The following ENTREP2 variants were observed in gnomAD, a reference collection of about 807,000 sequenced individuals.
ENTREP2 encodes protein ENTREP2.
the ENTREP2 span, among the ~76,000 whole-genome samples, chr15:29,391,453 AC>A: frequency 6.6e-6 from 1 of 152,160 alleles, no homozygotes; most frequent in African/African-American, 2.4e-5. Context: ...TAAATTGATG[AC>A]AAAGATCACC....
chr15:29,560,775 C>T, the ENTREP2 span, among the ~76,000 whole-genome samples: 1 of 151,950 alleles, frequency 6.6e-6, no homozygotes, highest in Non-Finnish European at 1.5e-5. Context: ...CTATGTTCAA[C>T]ATGTCCCACA....
the ENTREP2 span, among the ~76,000 whole-genome samples, chr15:29,472,237 T>TC: frequency 6.6e-6 from 1 of 152,012 alleles, no homozygotes; most frequent in African/African-American, 2.4e-5. Context: ...GCCAGGCCTG[T>TC]CATGCAATTC....
At chr15:29,576,825 T>G in the ENTREP2 span, among the ~76,000 whole-genome samples, 1 of 152,358 alleles carries the variant, frequency 6.6e-6, no homozygotes, top group South Asian at 2.1e-4. Flanking sequence ...TTTTTGTTTT[T>G]GAGACGGAGT....
At chr15:29,279,101 A>T in the ENTREP2 span, among the ~76,000 whole-genome samples, 1 of 152,214 alleles carries the variant, frequency 6.6e-6, no homozygotes, top group African/African-American at 2.4e-5. Context: ...TTTTAACTTA[A>T]TCCACTTAAA....
the ENTREP2 span, among the ~76,000 whole-genome samples, chr15:29,443,441 T>C: frequency 1.4e-4 from 22 of 152,082 alleles, no homozygotes; most frequent in African/African-American, 5.3e-4. Context: ...CATTAGGAAA[T>C]AGCCAAGGAG....
chr15:29,196,685 G>T, the ENTREP2 span: 1 of 1,106,030 alleles, frequency 9.0e-7, no homozygotes, highest in Non-Finnish European at 1.2e-6. Context: ...CTGTTTCAGT[G>T]TGTTTAAGTA....
the ENTREP2 span, among the ~76,000 whole-genome samples, chr15:29,483,121 T>G: frequency 6.6e-6 from 1 of 152,376 alleles, no homozygotes; most frequent in Non-Finnish European, 1.5e-5. Flanking sequence ...TATGCTTATT[T>G]GACAACTGTA....
chr15:29,339,197 C>T, the ENTREP2 span, among the ~76,000 whole-genome samples: 3 of 152,242 alleles, frequency 2.0e-5, no homozygotes, highest in South Asian at 4.1e-4. Context: ...CCCAGCGGCC[C>T]ACCCCTCCAT....
At chr15:29,332,164 G>A in the ENTREP2 span, among the ~76,000 whole-genome samples, 1 of 152,078 alleles carries the variant, frequency 6.6e-6, no homozygotes, top group Non-Finnish European at 1.5e-5. Context: ...ACAAGAGGTC[G>A]AAGAAAGTTG....
the ENTREP2 span, among the ~76,000 whole-genome samples, chr15:29,271,848 C>T: frequency 6.6e-6 from 1 of 152,096 alleles, no homozygotes; most frequent in Non-Finnish European, 1.5e-5. Context: ...ATTTTGTCTG[C>T]GGCTCGTCCT....
At chr15:29,402,556 C>T in the ENTREP2 span, among the ~76,000 whole-genome samples, 3 of 152,108 alleles carry the variant, frequency 2.0e-5, no homozygotes, top group Non-Finnish European at 4.4e-5. Context: ...GTGATCCCCT[C>T]GCTGTGGCCT....
chr15:29,124,674 A>C, the ENTREP2 span: 1 of 1,549,972 alleles, frequency 6.5e-7, no homozygotes, highest in Non-Finnish European at 8.7e-7. Flanking sequence ...GCTTTAGAAA[A>C]GAAGCGTCTC....
At chr15:29,239,221 C>T in the ENTREP2 span, among the ~76,000 whole-genome samples, 8 of 152,218 alleles carry the variant, frequency 5.3e-5, no homozygotes, top group South Asian at 1.7e-3. Flanking sequence ...GCTCATCATG[C>T]CTCCTTCCCT....
At chr15:29,631,367 T>C in the ENTREP2 span, among the ~76,000 whole-genome samples, 4 of 152,204 alleles carry the variant, frequency 2.6e-5, no homozygotes, top group Non-Finnish European at 5.9e-5. Flanking sequence ...GTTAGAAGAC[T>C]CAGGGTCTGT....
the ENTREP2 span, among the ~76,000 whole-genome samples, chr15:29,600,902 C>CTTTTTTTTTTTTT: frequency 8.1e-6 from 1 of 123,610 alleles, no homozygotes; most frequent in African/African-American, 3.6e-5. Context: ...ATTTTTCTTT[C>CTTTTTTTTTTTTT]TTTTTTTTTT....
chr15:29,207,425 A>G, the ENTREP2 span, among the ~76,000 whole-genome samples: 65,017 of 133,310 alleles, frequency 0.49, 15,898 homozygotes, highest in African/African-American at 0.67. Flanking sequence ...TCCACCTCCT[A>G]CGAGCGGTGT....
At chr15:29,565,320 T>C in the ENTREP2 span, among the ~76,000 whole-genome samples, 1 of 151,700 alleles carries the variant, frequency 6.6e-6, no homozygotes, top group African/African-American at 2.4e-5. Context: ...TGAAAATTAA[T>C]CCAGAAATAG....
chr15:29,662,211 C>CAAAAAAAAAAAAAAAA, the ENTREP2 span, among the ~76,000 whole-genome samples: 63 of 46,896 alleles, frequency 1.3e-3, no homozygotes, highest in African/African-American at 1.8e-3. Flanking sequence ...AACCCTGTCG[C>CAAAAAAAAAAAAAAAA]AAAAAAAAAA....
chr15:29,579,543 G>A, the ENTREP2 span, among the ~76,000 whole-genome samples: 1 of 143,048 alleles, frequency 7.0e-6, no homozygotes, highest in African/African-American at 2.6e-5. Flanking sequence ...TTTTTGAGAT[G>A]GAGTCTCGCT....
Sources: gnomAD v4.1 joint callset for allele counts (sites outside exome capture counted in the v4.1 genomes callset) on GRCh38, gnomAD v4.1.1 for gene constraint, MANE v1.5 for transcripts, NCBI Gene and HGNC (gene_info 2026-07-23, HGNC 2026-07-21) for gene names.